Variants in TBC1D14 observed in about 807,000 individuals in gnomAD.
The protein encoded by TBC1D14 is TBC1 domain family, member 14.
Under a neutral mutation model 79.0 loss-of-function variants are expected in TBC1D14, and 26 were observed. That is an observed-to-expected ratio of 0.33 (90% CI 0.24 to 0.46). The LOEUF (loss-of-function observed/expected upper bound fraction) is 0.46. TBC1D14 is among the 20% of genes least tolerant of loss of function. TBC1D14 has a pLI of 1.00. For synonymous variants in TBC1D14, 394 were observed against 349.9 expected, an observed-to-expected ratio of 1.13 and a Z score of -1.40; for missense variants, 769 against 887.6, an observed-to-expected ratio of 0.87 and a Z score of 1.70.
chr4:6,992,849 T>G (rs1295285242), intron 3 of TBC1D14, among the ~76,000 whole-genome samples: 1 of 152,168 alleles, frequency 6.6e-6, no homozygotes, highest in Admixed American at 6.5e-5. Flanking sequence ...CAGTTTTTGG[T>G]AAGTGGAAGT....
At chr4:6,927,229 T>G (rs1285550530) in intron 2 of TBC1D14, among the ~76,000 whole-genome samples, 1 of 151,946 alleles carries the variant, frequency 6.6e-6, no homozygotes, top group East Asian at 1.9e-4. Flanking sequence ...GCTCATAGTC[T>G]GATGGGGCAG....
At chr4:6,945,053 C>A (rs372530540) in intron 2 of TBC1D14, among the ~76,000 whole-genome samples, 1 of 152,176 alleles carries the variant, frequency 6.6e-6, no homozygotes, top group African/African-American at 2.4e-5. Context: ...TGGTTCTGTT[C>A]ACTAGTGCCA....
In TBC1D14 at chr4:6,996,154, T is replaced by C. The variant is rs539442006; in HGVS notation, c.963-171T>C. ...ATTTGTTTTATAGTGAACTTGTTTTTGTTTTTGTAAGAAAGCATTATAAAA... is the reference window on the plus strand; with the variant it reads ...ATTTGTTTTATAGTGAACTTGTTTTCGTTTTTGTAAGAAAGCATTATAAAA... On this transcript the variant is annotated intron_variant, in intron 4 of 13. Coordinates refer to ENST00000409757, the MANE Select transcript of TBC1D14 (RefSeq NM_020773.3). Among the ~76,000 whole-genome samples, 53 of 152,374 alleles carry C rather than the reference T, an allele frequency of 3.5e-4. No homozygotes were observed. In the East Asian group the frequency reaches 3.7e-3, roughly 11 times the overall value.
chr4:7,019,623 T>G (rs1721613009), intron 12 of TBC1D14, among the ~76,000 whole-genome samples: 1 of 152,244 alleles, frequency 6.6e-6, no homozygotes, highest in Non-Finnish European at 1.5e-5. Flanking sequence ...TGCATTCTCA[T>G]GCGGTGCTCA....
At chr4:7,013,677 G>A (rs1720997546) in intron 11 of TBC1D14, among the ~76,000 whole-genome samples, 2 of 151,934 alleles carry the variant, frequency 1.3e-5, no homozygotes, top group Admixed American at 1.3e-4. Flanking sequence ...CGTTGACTCA[G>A]ACATGAGTCG....
At chr4:6,996,536 A>T (rs1052631523) in intron 5 of TBC1D14, 129 bp downstream of exon 5, 9 of 126,116 alleles carry the variant, frequency 7.1e-5, no homozygotes, top group Non-Finnish European at 1.2e-4. Context: ...GTCTTCCAGT[A>T]AAAAAAAAAA....
intron 7 of TBC1D14, among the ~76,000 whole-genome samples, chr4:7,003,737 C>T (rs980514714): frequency 6.0e-5 from 9 of 151,082 alleles, no homozygotes; most frequent in South Asian, 2.1e-4. Context: ...CAGCAGCTGG[C>T]GCTTGTCATC....
intron 12 of TBC1D14, among the ~76,000 whole-genome samples, 188 bp downstream of exon 12, chr4:7,014,745 A>G (rs966465798): frequency 6.6e-6 from 1 of 152,130 alleles, no homozygotes; most frequent in Non-Finnish European, 1.5e-5. Flanking sequence ...GAATTCCCTC[A>G]AGGGGAGAAA....
chr4:6,956,355 C>T (rs1284092153), intron 2 of TBC1D14, among the ~76,000 whole-genome samples: 1 of 152,176 alleles, frequency 6.6e-6, no homozygotes, highest in Non-Finnish European at 1.5e-5. Context: ...GTGGCCACAT[C>T]TTCTATTCCA....
intron 12 of TBC1D14, among the ~76,000 whole-genome samples, chr4:7,017,116 T>C (rs543444628): frequency 6.6e-6 from 1 of 152,186 alleles, no homozygotes; most frequent in African/African-American, 2.4e-5. Flanking sequence ...ACCTGGCCAA[T>C]GTGGCGAAAC....
In TBC1D14 at chr4:6,923,492, C is replaced by T. The variant is rs1724023408; in HGVS notation, c.103C>T (p.Leu35Phe). Residue 35 changes from leucine (L) to phenylalanine (F), a missense_variant, in exon 2 of 14, where the codon CTC becomes TTC. Coordinates refer to ENST00000409757, the MANE Select transcript of TBC1D14 (RefSeq NM_020773.3). ...CCTTCAGAACCTGCAACACGTCAAT[C>T]TCAAGGCGCCCCGACTCCTCTCCGC... Reference protein sequence around the residue: ...NPLQNLQHVNLKAPRLLSAPE... With the variant: ...NPLQNLQHVNFKAPRLLSAPE... The T allele has an allele frequency of 6.2e-7, 1 of 1,614,080 alleles. No homozygotes were observed. The highest frequency in any genetic ancestry group is 1.7e-5 in the Admixed American group (1 of 60,006).
intron 2 of TBC1D14, among the ~76,000 whole-genome samples, chr4:6,943,444 C>T (rs1051869931): frequency 6.6e-6 from 1 of 152,224 alleles, no homozygotes; most frequent in Non-Finnish European, 1.5e-5. Context: ...AGGATGAAGT[C>T]CAGACCAGTT....
In TBC1D14 at chr4:7,031,463, G is replaced by C. The variant is rs936470531; in HGVS notation, c.*1071G>C. On this transcript the variant is annotated 3_prime_UTR_variant, in exon 14 of 14. Transcript: ENST00000409757. ...CACGTCTAACAGCCTAGACAATCTCGTCAGATGCTCATACTGGACCATCAG... is the reference window on the plus strand; with the variant it reads ...CACGTCTAACAGCCTAGACAATCTCCTCAGATGCTCATACTGGACCATCAG... 1 of 152,214 alleles carries C rather than the reference G, an allele frequency of 6.6e-6. No homozygotes were observed. The highest frequency in any genetic ancestry group is 1.9e-4 in the East Asian group (1 of 5,196). 9.4% of individuals were successfully genotyped at this position (152,214 alleles called of 1,614,324 possible).
At chr4:6,917,190 A>G (rs1448852223) in intron 1 of TBC1D14, among the ~76,000 whole-genome samples, 2 of 152,146 alleles carry the variant, frequency 1.3e-5, no homozygotes, top group African/African-American at 4.8e-5. Context: ...CTTGGCTGGG[A>G]CTGTCCCTGG....
At chr4:6,999,497 G>T (rs1451444870) in intron 6 of TBC1D14, among the ~76,000 whole-genome samples, 2 of 152,120 alleles carry the variant, frequency 1.3e-5, no homozygotes, top group East Asian at 1.9e-4. Context: ...GTGACTGTCA[G>T]TACACAGTTT....
In TBC1D14 at chr4:7,019,244, TCTC is replaced by T. The variant is rs1721576207; in HGVS notation, c.1757+4690_1757+4692del. The stretch of plus-strand genomic sequence containing the variant: ...ACTGTGTTAGCCATGATGGTTTCGA[TCTC>T]CTGATCTCGTGATCCTCCCAACTAG... On this transcript the variant is annotated intron_variant, in intron 12 of 13. Coordinates refer to ENST00000409757, the MANE Select transcript of TBC1D14 (RefSeq NM_020773.3). 2.6e-5 allele frequency among the ~76,000 whole-genome samples: 4 copies of T among 152,236 alleles called. No homozygotes were observed. The South Asian group carries it at 6.2e-4, about 24-fold the overall frequency.
chr4:6,952,837 TTTG>T (rs1560276150), intron 2 of TBC1D14, among the ~76,000 whole-genome samples: 2 of 151,638 alleles, frequency 1.3e-5, no homozygotes, highest in South Asian at 2.1e-4. Flanking sequence ...CTAGTTTTTT[TTTG>T]TTGTTGTTGT....
chr4:6,923,518 G>A lies in TBC1D14; in HGVS notation c.129G>A (p.Ala43=), dbSNP rs768908454. The change falls in exon 2 of 14, where the codon GCG becomes GCA. Residue 43 remains alanine, a synonymous_variant. Coordinates refer to ENST00000409757, the MANE Select transcript of TBC1D14 (RefSeq NM_020773.3). ...TCAAGGCGCCCCGACTCCTCTCCGCGCCTGAGTACGGGCCCAAGCTGAAAC... is the reference window on the plus strand; with the variant it reads ...TCAAGGCGCCCCGACTCCTCTCCGCACCTGAGTACGGGCCCAAGCTGAAAC... ...VNLKAPRLLS[A]PEYGPKLKLR... is the part of the protein sequence containing the mutation. 38 of 1,614,028 alleles carry A rather than the reference G, an allele frequency of 2.4e-5. No individual in the cohort carries two copies. Among genetic ancestry groups the A allele is most frequent in the East Asian group, 2.2e-4 (10 of 44,886 alleles).
intron 9 of TBC1D14, chr4:7,007,467 G>A: frequency 1.7e-6 from 2 of 1,154,988 alleles, no homozygotes; most frequent in Non-Finnish European, 2.3e-6. Flanking sequence ...GGGGGCAGTT[G>A]TTCTTGCAGA....
Sources: allele counts gnomAD v4.1 joint callset (sites outside exome capture counted in the v4.1 genomes callset), GRCh38; gene constraint gnomAD v4.1.1; transcripts MANE v1.5; gene names NCBI Gene and HGNC (gene_info 2026-07-23, HGNC 2026-07-21).